Variants in KHDRBS2 observed in about 807,000 individuals in gnomAD.
KHDRBS2 encodes the protein KH RNA binding domain containing, signal transduction associated 2.
KHDRBS2 carries 26 observed loss-of-function variants against 44.3 expected under a neutral mutation model. That is an observed-to-expected ratio of 0.59 (90% CI 0.43 to 0.81). The LOEUF (loss-of-function observed/expected upper bound fraction) is 0.81. KHDRBS2 is among the 40% of genes least tolerant of loss of function. KHDRBS2 has a pLI of 0.00. For missense variants in KHDRBS2, 476 were observed against 433.1 expected, an observed-to-expected ratio of 1.10 and a Z score of -0.88; for synonymous variants, 194 against 151.1, an observed-to-expected ratio of 1.28 and a Z score of -2.08.
At chr6:62,255,867 C>A (rs1471052281) in intron 1 of KHDRBS2, among the ~76,000 whole-genome samples, 1 of 151,924 alleles carries the variant, frequency 6.6e-6, no homozygotes, top group Admixed American at 6.6e-5. Flanking sequence ...TGTGGTGGCT[C>A]ACACCTGTAA....
intron 6 of KHDRBS2, among the ~76,000 whole-genome samples, chr6:61,813,334 T>C (rs1406230982): frequency 1.3e-5 from 2 of 152,166 alleles, no homozygotes; most frequent in African/African-American, 4.8e-5. Context: ...CTTGATATTA[T>C]ACTACTAAAG....
chr6:61,944,064 G>A (rs1812703753), intron 4 of KHDRBS2, among the ~76,000 whole-genome samples: 1 of 152,156 alleles, frequency 6.6e-6, no homozygotes, highest in Admixed American at 6.5e-5. Context: ...TACACTACTG[G>A]TAGGAATGTA....
chr6:62,199,108 A>G (rs1826335839), intron 1 of KHDRBS2, among the ~76,000 whole-genome samples: 1 of 152,198 alleles, frequency 6.6e-6, no homozygotes, highest in Admixed American at 6.5e-5. Flanking sequence ...ACAGCTGTCT[A>G]TGACAGACCC....
chr6:62,055,815 G>C (rs1441410636), intron 2 of KHDRBS2, among the ~76,000 whole-genome samples: 1 of 151,964 alleles, frequency 6.6e-6, no homozygotes, highest in African/African-American at 2.4e-5. Flanking sequence ...ATGAATTGGA[G>C]TCCATTATTC....
chr6:62,031,163 C>A (rs1054918887), intron 3 of KHDRBS2, among the ~76,000 whole-genome samples: 2 of 152,014 alleles, frequency 1.3e-5, no homozygotes, highest in African/African-American at 4.8e-5. Context: ...CAGACAGGGA[C>A]CTGCTGCCTT....
At chr6:61,849,895 C>T (rs1034942904) in intron 6 of KHDRBS2, among the ~76,000 whole-genome samples, 1 of 152,100 alleles carries the variant, frequency 6.6e-6, no homozygotes, top group Non-Finnish European at 1.5e-5. Context: ...GATGGAAGTG[C>T]TAGTATCCAA....
intron 2 of KHDRBS2, among the ~76,000 whole-genome samples, chr6:62,098,998 T>G (rs1423701758): frequency 6.6e-6 from 1 of 152,232 alleles, no homozygotes; most frequent in Non-Finnish European, 1.5e-5. Flanking sequence ...AAAAAATTAT[T>G]TTAAACTCTT....
intron 6 of KHDRBS2, among the ~76,000 whole-genome samples, chr6:61,770,421 G>A (rs1189248197): frequency 2.6e-5 from 4 of 152,110 alleles, no homozygotes; most frequent in Non-Finnish European, 5.9e-5. Context: ...CAACGGCAAA[G>A]AAGTTAAAAG....
At chr6:62,188,792 G>A (rs1414187237) in intron 1 of KHDRBS2, among the ~76,000 whole-genome samples, 1 of 152,158 alleles carries the variant, frequency 6.6e-6, no homozygotes, top group Non-Finnish European at 1.5e-5. Context: ...GAAACACTGT[G>A]GTTCCCTTTT....
chr6:61,654,306 A>G, the KHDRBS2 span, among the ~76,000 whole-genome samples: 1 of 151,992 alleles, frequency 6.6e-6, no homozygotes, highest in Non-Finnish European at 1.5e-5. Flanking sequence ...TAGCAGAAAC[A>G]TAGAAAAATA....
intron 2 of KHDRBS2, among the ~76,000 whole-genome samples, chr6:62,157,525 A>C (rs1017840010): frequency 1.3e-5 from 2 of 152,176 alleles, no homozygotes; most frequent in African/African-American, 2.4e-5. Flanking sequence ...CATCAATTTT[A>C]TCTCTGAGAT....
downstream of KHDRBS2, among the ~76,000 whole-genome samples, chr6:61,678,383 A>G (rs1766062962): frequency 6.6e-6 from 1 of 152,012 alleles, no homozygotes; most frequent in Admixed American, 6.6e-5. Context: ...ATGCTGGATG[A>G]GAAGCAAAAA....
the KHDRBS2 span, among the ~76,000 whole-genome samples, chr6:61,661,919 A>G: frequency 6.6e-6 from 1 of 151,882 alleles, no homozygotes; most frequent in Non-Finnish European, 1.5e-5. Flanking sequence ...TATGGAACCA[A>G]AAAAGAGCCC....
the KHDRBS2 span, among the ~76,000 whole-genome samples, chr6:61,591,226 G>T: frequency 6.6e-6 from 1 of 152,028 alleles, no homozygotes; most frequent in African/African-American, 2.4e-5. Context: ...TCAGTAGCAG[G>T]GAGATTGCAC....
At chr6:62,009,399 C>G (rs558079771) in intron 3 of KHDRBS2, among the ~76,000 whole-genome samples, 1 of 152,088 alleles carries the variant, frequency 6.6e-6, no homozygotes, top group African/African-American at 2.4e-5. Flanking sequence ...AGAAACAGAG[C>G]ATAAAAGTTT....
At chr6:61,742,205 A>C (rs1333685818) in intron 6 of KHDRBS2, among the ~76,000 whole-genome samples, 1 of 152,002 alleles carries the variant, frequency 6.6e-6, no homozygotes, top group East Asian at 1.9e-4. Flanking sequence ...ATAGGAACTT[A>C]ACATTTAACT....
intron 6 of KHDRBS2, among the ~76,000 whole-genome samples, chr6:61,748,127 T>C (rs1777125477): frequency 6.6e-6 from 1 of 152,060 alleles, no homozygotes; most frequent in African/African-American, 2.4e-5. Context: ...GTAGCTGCGA[T>C]TACAGGCACC....
chr6:61,863,533 A>G (rs1359178317), intron 6 of KHDRBS2, among the ~76,000 whole-genome samples: 1 of 152,066 alleles, frequency 6.6e-6, no homozygotes, highest in African/African-American at 2.4e-5. Context: ...TTTCTGCCTT[A>G]ATTTCATTAT....
chr6:61,726,967 G>T (rs1178264750), intron 7 of KHDRBS2, among the ~76,000 whole-genome samples: 3 of 151,894 alleles, frequency 2.0e-5, no homozygotes, highest in Non-Finnish European at 4.4e-5. Context: ...ATAGCCAAGA[G>T]AATCCTAAGC....
Sources: allele counts gnomAD v4.1 joint callset (sites outside exome capture counted in the v4.1 genomes callset), GRCh38; gene constraint gnomAD v4.1.1; transcripts MANE v1.5; gene names NCBI Gene and HGNC (gene_info 2026-07-23, HGNC 2026-07-21).